The following CTDSPL2 variants were observed in gnomAD, a reference collection of about 807,000 sequenced individuals.
The protein encoded by CTDSPL2 is CTD small phosphatase-like protein 2.
In CTDSPL2, 5 loss-of-function variants were observed where a neutral mutation model predicts 60.0. The observed-to-expected ratio is 0.08, with a 90% CI of 0.04 to 0.18. The LOEUF is 0.18. Ranked by LOEUF, CTDSPL2 falls within the 10% of genes least tolerant of loss-of-function variation. The pLI is 1.00. For missense variants in CTDSPL2, 370 were observed against 548.8 expected (o/e 0.67, Z 3.26); for synonymous variants, 186 against 189.3 (o/e 0.98, Z 0.14).
intron 1 of CTDSPL2, among the ~76,000 whole-genome samples, chr15:44,445,819 A>G (rs1368795374): frequency 6.8e-6 from 1 of 146,944 alleles, no homozygotes; most frequent in Non-Finnish European, 1.5e-5. Flanking sequence ...TTGTATTTTT[A>G]GTAGAGACAG....
At chr15:44,441,616 C>T (rs2080087937) in intron 1 of CTDSPL2, among the ~76,000 whole-genome samples, 1 of 152,180 alleles carries the variant, frequency 6.6e-6, no homozygotes, top group African/African-American at 2.4e-5. Context: ...TGGTCTACCT[C>T]AGGTGAGCCC....
rs1410423057 is a variant in CTDSPL2 at position 44,524,385 on chromosome 15, A to G, written c.*211A>G. ...TATAGTAGGTAGGCTAAAACAGAAG[A>G]GTCTTTAGAACTAGTGCAACTCCAG... is the stretch of plus-strand genomic sequence containing the variant. On this transcript the variant is annotated 3_prime_UTR_variant, in exon 13 of 13. Transcript: ENST00000260327. The G allele has an allele frequency of 3.8e-6, 2 of 528,726 alleles. No homozygotes were observed. Among genetic ancestry groups the G allele is most frequent in the African/African-American group, 1.9e-5 (1 of 52,054 alleles). The allele number at this position is 528,726 out of a possible 1,614,324, so 32.8% of individuals were successfully genotyped here.
At chr15:44,460,399 C>T (rs1180473365) in intron 2 of CTDSPL2, among the ~76,000 whole-genome samples, 3 of 152,154 alleles carry the variant, frequency 2.0e-5, no homozygotes, top group Admixed American at 6.5e-5. Context: ...TGAGCCACCG[C>T]GCCCGGCCTC....
chr15:44,496,906 G>T, intron 6 of CTDSPL2, 121 bp from the exon 7 acceptor site: 2 of 542,976 alleles, frequency 3.7e-6, no homozygotes, highest in Non-Finnish European at 3.4e-6. Context: ...TTATTAATAT[G>T]TTTTATAAGT....
chr15:44,474,845 CAAAA>C (rs1384969049), intron 2 of CTDSPL2, among the ~76,000 whole-genome samples: 1 of 151,992 alleles, frequency 6.6e-6, no homozygotes, highest in Non-Finnish European at 1.5e-5. Flanking sequence ...GACTCCATCT[CAAAA>C]GAAAAGAATA....
chr15:44,472,597 CA>C (rs2080833642), intron 2 of CTDSPL2, among the ~76,000 whole-genome samples: 1 of 150,082 alleles, frequency 6.7e-6, no homozygotes, highest in Admixed American at 6.6e-5. Context: ...TTCCTGGGCT[CA>C]AGTGATCCTT....
intron 2 of CTDSPL2, among the ~76,000 whole-genome samples, chr15:44,472,089 C>G (rs1443857895): frequency 6.6e-6 from 1 of 151,882 alleles, no homozygotes; most frequent in African/African-American, 2.4e-5. Context: ...TTTTGATTAT[C>G]CATTTATCAA....
At chr15:44,485,330 A>G (rs1038731086) in intron 3 of CTDSPL2, among the ~76,000 whole-genome samples, 6 of 152,248 alleles carry the variant, frequency 3.9e-5, no homozygotes, top group African/African-American at 1.4e-4. Flanking sequence ...GGAAAAGCAG[A>G]GACAGCTATA....
chr15:44,486,959 G>A (rs1005260590), intron 4 of CTDSPL2, among the ~76,000 whole-genome samples: 14 of 151,886 alleles, frequency 9.2e-5, no homozygotes, highest in African/African-American at 3.1e-4. Flanking sequence ...TTGAGACGGG[G>A]TTTCACCATG....
chr15:44,519,286 T>C lies in CTDSPL2; in HGVS notation c.1230T>C (p.Phe410=). ...TAATTGACAACTCACCACAAGCCTT[T>C]GCATATCAGGTAGGAAGAAAGTTGA... ...TIIIDNSPQA[F]AYQLSNGIPI... Residue 410 remains phenylalanine, a synonymous_variant, in exon 11 of 13, where the codon TTT becomes TTC. Coordinates refer to ENST00000260327, the MANE Select transcript of CTDSPL2 (RefSeq NM_016396.3). 6.5e-7 allele frequency: 1 copy of C among 1,546,136 alleles called. No individual in the cohort carries two copies. Among genetic ancestry groups the C allele is most frequent in the Non-Finnish European group, 8.6e-7 (1 of 1,157,610 alleles).
At chr15:44,504,966 T>G (rs2081435758) in intron 8 of CTDSPL2, among the ~76,000 whole-genome samples, 1 of 152,164 alleles carries the variant, frequency 6.6e-6, no homozygotes, top group African/African-American at 2.4e-5. Context: ...ATTAGTATGT[T>G]TAGTTATTGG....
chr15:44,485,639 G>C (rs1237170139), intron 3 of CTDSPL2, among the ~76,000 whole-genome samples: 1 of 152,234 alleles, frequency 6.6e-6, no homozygotes, highest in Non-Finnish European at 1.5e-5. Flanking sequence ...CTGCGGCCCA[G>C]TTCCTAATAG....
intron 1 of CTDSPL2, among the ~76,000 whole-genome samples, chr15:44,457,394 T>G (rs2080469695): frequency 6.6e-6 from 1 of 152,226 alleles, no homozygotes. Context: ...TGGAGACAGC[T>G]TCTTTCCTTA....
intron 4 of CTDSPL2, among the ~76,000 whole-genome samples, chr15:44,489,023 G>A (rs2081170172): frequency 6.6e-6 from 1 of 152,012 alleles, no homozygotes; most frequent in Admixed American, 6.6e-5. Context: ...AAGGGACTTG[G>A]GAAGAATAGT....
At chr15:44,463,823 A>G (rs2080626635) in intron 2 of CTDSPL2, among the ~76,000 whole-genome samples, 1 of 152,144 alleles carries the variant, frequency 6.6e-6, no homozygotes, top group Non-Finnish European at 1.5e-5. Flanking sequence ...TGTCTTTTTC[A>G]AAATTTGGGT....
chr15:44,507,206 T>C (rs962867200), intron 8 of CTDSPL2, among the ~76,000 whole-genome samples: 1 of 152,056 alleles, frequency 6.6e-6, no homozygotes, highest in Non-Finnish European at 1.5e-5. Context: ...TGCCTCAGCC[T>C]TCTGAGTAGC....
chr15:44,466,814 C>T (rs578233001), intron 2 of CTDSPL2, among the ~76,000 whole-genome samples: 2 of 152,112 alleles, frequency 1.3e-5, no homozygotes, highest in South Asian at 4.2e-4. Context: ...TGGCGGGCGC[C>T]TGTAGTCCCA....
chr15:44,448,859 G>A, intron 1 of CTDSPL2: 1 of 399,986 alleles, frequency 2.5e-6, no homozygotes, highest in Middle Eastern at 8.2e-4. Context: ...ACCTGCGTTG[G>A]TCTATCACAC....
intron 3 of CTDSPL2, among the ~76,000 whole-genome samples, chr15:44,485,429 G>T (rs2081101113): frequency 6.6e-6 from 1 of 152,184 alleles, no homozygotes; most frequent in Non-Finnish European, 1.5e-5. Context: ...ACAGTGATGG[G>T]AATGGTTTCA....
Sources: gnomAD v4.1 joint callset for allele counts (sites outside exome capture counted in the v4.1 genomes callset) on GRCh38, gnomAD v4.1.1 for gene constraint, MANE v1.5 for transcripts, NCBI Gene and HGNC (gene_info 2026-07-23, HGNC 2026-07-21) for gene names.